The following TBC1D32 variants were observed in gnomAD, a reference collection of about 807,000 sequenced individuals.
TBC1D32 encodes TBC1 domain family member 32.
In TBC1D32, 151 loss-of-function variants were observed where a neutral mutation model predicts 170.3. The ratio of observed to expected loss-of-function variants is 0.89; its 90% CI spans 0.78 to 1.01. TBC1D32 has a LOEUF of 1.01. Ranked by LOEUF, TBC1D32 falls within the 50% of genes least tolerant of loss-of-function variation. The pLI is 0.00. For missense variants in TBC1D32, 1,464 were observed against 1,457.1 expected (o/e 1.00, Z -0.08); for synonymous variants, 498 against 488.0 (o/e 1.02, Z -0.27).
chr6:121,305,574 T>C (rs1055386098), intron 5 of TBC1D32, among the ~76,000 whole-genome samples: 3 of 152,070 alleles, frequency 2.0e-5, no homozygotes, highest in African/African-American at 7.2e-5. Flanking sequence ...CCAGTTTAGA[T>C]AATCCACTTA....
At chr6:121,140,580 C>T (rs1782665407) in intron 24 of TBC1D32, among the ~76,000 whole-genome samples, 1 of 151,856 alleles carries the variant, frequency 6.6e-6, no homozygotes, top group Non-Finnish European at 1.5e-5. Context: ...AATCAATTTC[C>T]TATCAGATAA....
chr6:121,299,066 GA>G (rs1188911825), intron 10 of TBC1D32, among the ~76,000 whole-genome samples: 1 of 151,980 alleles, frequency 6.6e-6, no homozygotes, highest in Non-Finnish European at 1.5e-5. Flanking sequence ...TTATCATTTT[GA>G]GTTTTTCCAT....
intron 20 of TBC1D32, among the ~76,000 whole-genome samples, chr6:121,224,798 G>C (rs546983940): frequency 6.6e-6 from 1 of 152,126 alleles, no homozygotes; most frequent in East Asian, 1.9e-4. Flanking sequence ...TTAACACACA[G>C]TGGTTTTTAA....
Position 121,108,032 on chromosome 6 carries a change from T to C in TBC1D32, c.3325-1869A>G, listed in dbSNP as rs570959495. ...TCCTGATACCAAGCCTTGCATAGAA[T>C]AGATGCTCAACATATTATTGACTGA... On this transcript the variant is annotated intron_variant, in intron 29 of 31. Coordinates refer to ENST00000398212, the MANE Select transcript of TBC1D32 (RefSeq NM_152730.6). Among the ~76,000 whole-genome samples the C allele has an allele frequency of 8.0e-4, 122 of 152,248 alleles. No homozygotes were observed. The Middle Eastern group carries it at 0.01, about 13-fold the overall frequency.
At chr6:121,311,054 T>G (rs1212091832) in intron 3 of TBC1D32, among the ~76,000 whole-genome samples, 1 of 152,212 alleles carries the variant, frequency 6.6e-6, no homozygotes, top group Admixed American at 6.5e-5. Flanking sequence ...TGTACCTTCA[T>G]GTATATGAAA....
intron 25 of TBC1D32, among the ~76,000 whole-genome samples, chr6:121,127,691 T>C (rs1185276049): frequency 6.6e-6 from 1 of 152,074 alleles, no homozygotes; most frequent in African/African-American, 2.4e-5. Flanking sequence ...TGTCTCGAGA[T>C]TATAAATTTT....
chr6:121,149,781 T>C (rs1436034381), intron 24 of TBC1D32, among the ~76,000 whole-genome samples: 1 of 152,154 alleles, frequency 6.6e-6, no homozygotes, highest in Non-Finnish European at 1.5e-5. Flanking sequence ...TACATTTTTT[T>C]AGTTCTGTGA....
intron 24 of TBC1D32, among the ~76,000 whole-genome samples, chr6:121,142,979 C>A (rs1213729811): frequency 1.3e-5 from 2 of 152,124 alleles, no homozygotes; most frequent in African/African-American, 4.8e-5. Flanking sequence ...TTCTTTTCCA[C>A]CCAATCTGCT....
chr6:121,303,658 CA>C lies in TBC1D32; in HGVS notation c.1038del (p.Phe346LeufsTer3). Reference sequence around the variant, plus strand: ...CACACAGCCTTGGTATCAACTAATGCAAAAAAGTAGATCGGATCCAAAATCT... The same window carrying C: ...CACACAGCCTTGGTATCAACTAATGCAAAAAGTAGATCGGATCCAAAATCT... ...SQKILDPIYF[F>X]ALVDTKAVWF... On this transcript the variant is annotated frameshift_variant, in exon 9 of 32. Coordinates refer to ENST00000398212, the MANE Select transcript of TBC1D32 (RefSeq NM_152730.6). LOFTEE classifies it high-confidence loss of function. 6.3e-7 allele frequency: 1 copy of C among 1,594,264 alleles called. No individual in the cohort carries two copies. Among genetic ancestry groups the C allele is most frequent in the Non-Finnish European group, 8.6e-7 (1 of 1,167,092 alleles).
intron 14 of TBC1D32, 146 bp downstream of exon 14, chr6:121,281,394 TAATA>T (rs1802958097): frequency 2.1e-6 from 1 of 481,164 alleles, no homozygotes; most frequent in Admixed American, 4.2e-5. Flanking sequence ...TATAATTTAA[TAATA>T]AATAAAAATA....
intron 22 of TBC1D32, among the ~76,000 whole-genome samples, chr6:121,191,401 T>G (rs1250497559): frequency 6.6e-6 from 1 of 152,156 alleles, no homozygotes; most frequent in Non-Finnish European, 1.5e-5. Context: ...GCTTTCAATT[T>G]TTATTTTTTA....
intron 21 of TBC1D32, among the ~76,000 whole-genome samples, chr6:121,213,472 A>C (rs555454436): frequency 0.58 from 33,922 of 58,570 alleles, 7,572 homozygotes; most frequent in Non-Finnish European, 0.65. Flanking sequence ...ATAATAATAA[A>C]ATAAAATAAA....
chr6:121,241,356 A>T (rs1796964236), intron 19 of TBC1D32, 109 bp downstream of exon 19: 1 of 928,356 alleles, frequency 1.1e-6, no homozygotes, highest in African/African-American at 1.7e-5. Context: ...TAGTAAAAAG[A>T]ATTTTAGAGT....
intron 26 of TBC1D32, among the ~76,000 whole-genome samples, chr6:121,117,490 T>C (rs1373546288): frequency 2.6e-5 from 4 of 152,024 alleles, no homozygotes; most frequent in Admixed American, 1.3e-4. Context: ...TTACTTGAGG[T>C]CATGAGTTCA....
chr6:121,111,010 G>A (rs1779152532), intron 29 of TBC1D32, among the ~76,000 whole-genome samples: 1 of 152,164 alleles, frequency 6.6e-6, no homozygotes, highest in African/African-American at 2.4e-5. Flanking sequence ...AGCTGCATCA[G>A]TAGAAAGGTG....
chr6:121,217,564 G>A (rs1793987154), intron 21 of TBC1D32, among the ~76,000 whole-genome samples: 1 of 152,208 alleles, frequency 6.6e-6, no homozygotes, highest in Non-Finnish European at 1.5e-5. Context: ...AATACCACAT[G>A]TTCTCAGGTA....
At chr6:121,134,930 C>A (rs1214674878) in intron 24 of TBC1D32, among the ~76,000 whole-genome samples, 1 of 151,766 alleles carries the variant, frequency 6.6e-6, no homozygotes, top group African/African-American at 2.4e-5. Context: ...TACCATAAAT[C>A]TATTCAGCCA....
At chr6:121,137,617 T>C (rs1407742399) in intron 24 of TBC1D32, among the ~76,000 whole-genome samples, 2 of 151,958 alleles carry the variant, frequency 1.3e-5, no homozygotes, top group African/African-American at 4.8e-5. Flanking sequence ...CTAAAATTCT[T>C]TGTTATGGTA....
chr6:121,159,048 C>G (rs191475665), intron 24 of TBC1D32, among the ~76,000 whole-genome samples: 175 of 152,296 alleles, frequency 1.1e-3, no homozygotes, highest in Admixed American at 3.3e-3. Flanking sequence ...CTTCCAGCCC[C>G]TCTGCTTTTT....
Sources: allele counts gnomAD v4.1 joint callset (sites outside exome capture counted in the v4.1 genomes callset), GRCh38; gene constraint gnomAD v4.1.1; transcripts MANE v1.5; gene names NCBI Gene and HGNC (gene_info 2026-07-23, HGNC 2026-07-21).